The following NXPH1 variants were observed in gnomAD, a reference collection of about 807,000 sequenced individuals.
The protein encoded by NXPH1 is neurexophilin-1.
Under a neutral mutation model 23.7 loss-of-function variants are expected in NXPH1, and 5 were observed. That is an observed-to-expected ratio of 0.21 (90% confidence interval 0.11 to 0.44). The LOEUF (loss-of-function observed/expected upper bound fraction) is 0.44, where lower values mean the gene tolerates loss of function less well. Among genes scored for constraint, NXPH1 ranks in the 20% least tolerant of loss-of-function variants. The pLI, the probability that NXPH1 is intolerant of heterozygous loss-of-function variation, is 0.99. For synonymous variants in NXPH1, 144 were observed against 122.2 expected (o/e 1.18, Z -1.18); for missense variants, 324 against 321.6 (o/e 1.01, Z -0.06).
chr7:8,619,023 A>G (rs1819806798), intron 2 of NXPH1, among the ~76,000 whole-genome samples: 1 of 152,198 alleles, frequency 6.6e-6, no homozygotes, highest in Non-Finnish European at 1.5e-5. Flanking sequence ...AAAGTTTAGT[A>G]TGTACAAAAG....
intron 2 of NXPH1, among the ~76,000 whole-genome samples, chr7:8,653,726 T>C (rs1207632026): frequency 6.6e-6 from 1 of 152,192 alleles, no homozygotes; most frequent in Non-Finnish European, 1.5e-5. Context: ...ATCTGCTTCT[T>C]TGGGTAATTT....
intron 2 of NXPH1, among the ~76,000 whole-genome samples, chr7:8,666,589 A>G (rs1402628680): frequency 6.6e-6 from 1 of 152,042 alleles, no homozygotes; most frequent in Non-Finnish European, 1.5e-5. Context: ...AATTTATTGG[A>G]AGACTTCAAA....
intron 2 of NXPH1, among the ~76,000 whole-genome samples, chr7:8,493,610 G>A (rs1486241954): frequency 2.0e-5 from 3 of 151,978 alleles, no homozygotes; most frequent in Non-Finnish European, 4.4e-5. Context: ...TCCTTGACCT[G>A]GAGTAAATGT....
rs182177315 is a variant in NXPH1 at position 8,545,515 on chromosome 7, A to G, written c.54+109748A>G. 3.4e-3 allele frequency among the ~76,000 whole-genome samples: 520 copies of G among 151,624 alleles called. 6 individuals carry two copies. Among genetic ancestry groups the G allele is most frequent in the Non-Finnish European group, 3.4e-3 (230 of 67,622 alleles). ...GATTTTACTTCGAGGGCATATGTAC[A>G]TATATACCTCAATACACAATGGTTC... is the stretch of plus-strand genomic sequence containing the variant. On this transcript the variant is annotated intron_variant, in intron 2 of 2. Transcript: ENST00000405863.
At chr7:8,682,222 A>G (rs12702765) in intron 2 of NXPH1, among the ~76,000 whole-genome samples, 31,822 of 152,086 alleles carry the variant, frequency 0.21, 3,688 homozygotes, top group Non-Finnish European at 0.26. Flanking sequence ...TCAGACCTCT[A>G]TAAGTCTCTT....
At chr7:8,552,526 T>A (rs1193510458) in intron 2 of NXPH1, among the ~76,000 whole-genome samples, 1 of 151,446 alleles carries the variant, frequency 6.6e-6, no homozygotes, top group Admixed American at 6.6e-5. Context: ...AAATACCAGG[T>A]AATATGGGTA....
intron 2 of NXPH1, among the ~76,000 whole-genome samples, chr7:8,466,241 G>A (rs1050522384): frequency 6.6e-6 from 1 of 152,164 alleles, no homozygotes; most frequent in African/African-American, 2.4e-5. Flanking sequence ...AATTTGCTTT[G>A]TTAAATCTTG....
At chr7:8,749,760 G>A (rs1780532974) in intron 2 of NXPH1, among the ~76,000 whole-genome samples, 2 of 152,116 alleles carry the variant, frequency 1.3e-5, no homozygotes, top group South Asian at 2.1e-4. Context: ...CCATTCAACA[G>A]CCTTACCTTA....
At chr7:8,719,221 A>G (rs1779926153) in intron 2 of NXPH1, among the ~76,000 whole-genome samples, 1 of 152,208 alleles carries the variant, frequency 6.6e-6, no homozygotes, top group African/African-American at 2.4e-5. Context: ...CAGATTTCAG[A>G]CTTAATAGGA....
chr7:8,609,260 A>C (rs1300854334), intron 2 of NXPH1, among the ~76,000 whole-genome samples: 1 of 152,210 alleles, frequency 6.6e-6, no homozygotes, highest in East Asian at 1.9e-4. Flanking sequence ...TAAAAAACCC[A>C]AAAACATCAT....
intron 2 of NXPH1, among the ~76,000 whole-genome samples, chr7:8,684,011 T>G (rs1821100262): frequency 6.6e-6 from 1 of 152,108 alleles, no homozygotes; most frequent in Non-Finnish European, 1.5e-5. Flanking sequence ...GAAATGGAAA[T>G]TTGGTGGGGC....
intron 2 of NXPH1, among the ~76,000 whole-genome samples, chr7:8,744,770 A>T (rs903433843): frequency 3.3e-5 from 5 of 152,068 alleles, no homozygotes; most frequent in African/African-American, 9.7e-5. Context: ...AGCTTTCTCA[A>T]CCTTTTTTAT....
At chr7:8,505,990 C>T (rs1817516075) in intron 2 of NXPH1, among the ~76,000 whole-genome samples, 1 of 151,966 alleles carries the variant, frequency 6.6e-6, no homozygotes, top group South Asian at 2.1e-4. Flanking sequence ...ATCTGAGGAC[C>T]ATACTTGAAA....
chr7:8,639,792 A>T (rs9655524), intron 2 of NXPH1, among the ~76,000 whole-genome samples: 1 of 151,914 alleles, frequency 6.6e-6, no homozygotes, highest in South Asian at 2.1e-4. Flanking sequence ...AGGGGTTTCC[A>T]CTTTCACTTC....
chr7:8,507,911 A>G (rs978863796), intron 2 of NXPH1, among the ~76,000 whole-genome samples: 4 of 152,144 alleles, frequency 2.6e-5, no homozygotes, highest in African/African-American at 9.6e-5. Flanking sequence ...AGAGTGTTCT[A>G]TTGAAGTAGA....
At chr7:8,563,495 C>A (rs986529248) in intron 2 of NXPH1, among the ~76,000 whole-genome samples, 1 of 151,612 alleles carries the variant, frequency 6.6e-6, no homozygotes, top group Non-Finnish European at 1.5e-5. Flanking sequence ...GTTGATGTTA[C>A]CATTTTTATT....
At chr7:8,547,968 T>C (rs1818221835) in intron 2 of NXPH1, among the ~76,000 whole-genome samples, 1 of 151,554 alleles carries the variant, frequency 6.6e-6, no homozygotes, top group African/African-American at 2.4e-5. Context: ...TGGTGTTTTT[T>C]TGATATGATT....
intron 2 of NXPH1, among the ~76,000 whole-genome samples, chr7:8,707,651 AT>A (rs1172927943): frequency 6.6e-6 from 1 of 152,112 alleles, no homozygotes; most frequent in Non-Finnish European, 1.5e-5. Flanking sequence ...AGTTTGAATA[AT>A]GATAGTAAAG....
intron 2 of NXPH1, among the ~76,000 whole-genome samples, chr7:8,730,919 A>G (rs1460705903): frequency 2.0e-5 from 3 of 150,904 alleles, no homozygotes; most frequent in South Asian, 2.1e-4. Context: ...TCTCCTGGAT[A>G]ATATCCTGCA....
Sources: allele counts gnomAD v4.1 joint callset (sites outside exome capture counted in the v4.1 genomes callset), GRCh38; gene constraint gnomAD v4.1.1; transcripts MANE v1.5; gene names NCBI Gene and HGNC (gene_info 2026-07-23, HGNC 2026-07-21).